GCGR: variants seen among roughly 807,000 people sequenced by gnomAD.
GCGR encodes glucagon receptor.
GCGR carries 41 observed loss-of-function variants against 56.1 expected under a neutral mutation model. The ratio of observed to expected loss-of-function variants is 0.73; its 90% CI spans 0.57 to 0.95. The LOEUF is 0.95. Among genes scored for constraint, GCGR ranks in the 40% least tolerant of loss-of-function variants. GCGR has a pLI of 0.00. For synonymous variants in GCGR, 278 were observed against 271.1 expected (o/e 1.03, Z -0.25); for missense variants, 595 against 638.2 (o/e 0.93, Z 0.73).
Position 81,812,746 on chromosome 17 carries a change from C to T in GCGR, c.1038-61C>T, listed in dbSNP as rs2038129316. ...CAGCTGGGGGTGGGGACTCCAAGCT[C>T]CACGTGGATGGTGCGGGCCGAGGGT... On this transcript the variant is annotated intron_variant, in intron 11 of 13. Coordinates refer to ENST00000400723, the MANE Select transcript of GCGR (RefSeq NM_000160.5). The surrounding 1 kb of genome is among the most constrained non-coding windows in gnomAD (Gnocchi z 8.5). The T allele has an allele frequency of 6.5e-7, 1 of 1,532,242 alleles. No individual in the cohort carries two copies. Among genetic ancestry groups the T allele is most frequent in the African/African-American group, 1.4e-5 (1 of 72,930 alleles). 94.9% of individuals were successfully genotyped at this position (1,532,242 alleles called of 1,614,324 possible).
chr17:81,812,001 G>T lies in GCGR; in HGVS notation c.878+55G>T. The T allele has an allele frequency of 6.5e-7, 1 of 1,533,206 alleles. No homozygotes were observed. Among genetic ancestry groups the T allele is most frequent in the Non-Finnish European group, 8.7e-7 (1 of 1,144,352 alleles). The allele number at this position is 1,533,206 out of a possible 1,614,324, so 95.0% of individuals were successfully genotyped here. A position where few individuals can be genotyped will look rare whatever the true frequency, so the allele number is the denominator to read the frequency against. On this transcript the variant is annotated intron_variant, in intron 9 of 13. Coordinates refer to ENST00000400723, the MANE Select transcript of GCGR (RefSeq NM_000160.5). The surrounding 1 kb of genome is among the most constrained non-coding windows in gnomAD (Gnocchi z 8.5). ...AGGGACCGGGGGGCTGGGGTGCGGC[G>T]CTCTGGCCTGAGGCAGGGAGGGGCC...
At position 81,812,117 on chromosome 17, in the gene GCGR, C is replaced by A. The variant is rs952473259; in HGVS notation, c.879-66C>A. 6.1e-6 allele frequency: 8 copies of A among 1,309,598 alleles called. No homozygotes were observed. In the South Asian group the frequency reaches 1.0e-4, roughly 16 times the overall value. The allele number at this position is 1,309,598 out of a possible 1,614,324, so 81.1% of individuals were successfully genotyped here. On this transcript the variant is annotated intron_variant, in intron 9 of 13. Coordinates refer to ENST00000400723, the MANE Select transcript of GCGR (RefSeq NM_000160.5). This position sits in a 1 kb window ranked among gnomAD's most constrained non-coding sequence, Gnocchi z 8.5. ...GAATTAGATCCTGGCAAAATCGGGA[C>A]GGGGGTGCTGAGGGGCGGAGGGGCT...
chr17:81,809,088 C>G lies in GCGR; in HGVS notation c.60+10C>G. On this transcript the variant is annotated intron_variant, in intron 2 of 13. Transcript: ENST00000400723. ...GCTGCTGGCCTGCCAGGTGAGGACT[C>G]ACAGCACCCTCAGCACCCAGGGGCC... 1 of 1,535,564 alleles carries G rather than the reference C, an allele frequency of 6.5e-7. No homozygotes were observed.
chr17:81,809,962 G>A, intron 3 of GCGR, 78 bp downstream of exon 3: 1 of 1,137,238 alleles, frequency 8.8e-7, no homozygotes, highest in Non-Finnish European at 1.3e-6. Context: ...GAAGGTTCCT[G>A]GGTGCTTATG....
At position 81,813,480 on chromosome 17, in the gene GCGR, T is replaced by A; in HGVS notation, c.1225T>A (p.Ser409Thr). 6.5e-7 allele frequency: 1 copy of A among 1,534,736 alleles called. No homozygotes were observed. The highest frequency in any genetic ancestry group is 1.2e-5 in the South Asian group (1 of 83,980). Residue 409 changes from serine to threonine, a missense_variant, in exon 14 of 14, where the codon TCG becomes ACG. Physicochemically the swap from Ser to Thr is moderately conservative, Grantham distance 58. Coordinates refer to ENST00000400723, the MANE Select transcript of GCGR (RefSeq NM_000160.5). This position sits in a 1 kb window ranked among gnomAD's most constrained non-coding sequence, Gnocchi z 5.3. ...GCCCCGTCCCCCTCCCCAGGTGCAG[T>A]CGGAGCTGCGGCGGCGTTGGCACCG... ...LYCFLNKEVQ[S>T]ELRRRWHRWR... is the part of the protein sequence containing the mutation.
At position 81,810,889 on chromosome 17, in the gene GCGR, G is replaced by A. The variant is rs1454748761; in HGVS notation, c.228G>A (p.Thr76=). ...SCWPDTPANT[T]ANISCPWYLP... ...GGCCGGACACCCCCGCCAATACCAC[G>A]GCCAACATCTCCTGCCCCTGGTACC... The change falls in exon 4 of 14, where the codon ACG becomes ACA. Residue 76 remains threonine (T), a synonymous_variant. Transcript: ENST00000400723. The surrounding 1 kb of genome is among the most constrained non-coding windows in gnomAD (Gnocchi z 4.6). 13 of 1,535,740 alleles carry A rather than the reference G, an allele frequency of 8.5e-6. No homozygotes were observed. The highest frequency in any genetic ancestry group is 2.4e-5 in the East Asian group (1 of 40,820).
chr17:81,813,364 C>T lies in GCGR; in HGVS notation c.1219-110C>T. ...CCAGCAGGGAGCTTGTGTCGCTCTG[C>T]ACCCCTCAGAGCGGAGACTGGGCAT... On this transcript the variant is annotated intron_variant, in intron 13 of 13. Coordinates refer to ENST00000400723, the MANE Select transcript of GCGR (RefSeq NM_000160.5). This position sits in a 1 kb window ranked among gnomAD's most constrained non-coding sequence, Gnocchi z 5.3. 1 of 1,068,656 alleles carries T rather than the reference C, an allele frequency of 9.4e-7. No individual in the cohort carries two copies. The highest frequency in any genetic ancestry group is 1.5e-5 in the South Asian group (1 of 66,170). The allele number at this position is 1,068,656 out of a possible 1,614,324, so 66.2% of individuals were successfully genotyped here. A position where few individuals can be genotyped will look rare whatever the true frequency, so the allele number is the denominator to read the frequency against.
rs531331425 is a variant in GCGR, at chr17:81,810,179, G to A, written c.163+295G>A. ...GATGGGTAATACCACCTACAGCCCC[G>A]TGGAGTTTTCAGTGGGCAGACAGTG... On this transcript the variant is annotated intron_variant, in intron 3 of 13. Coordinates refer to ENST00000400723, the MANE Select transcript of GCGR (RefSeq NM_000160.5). The surrounding 1 kb of genome is among the most constrained non-coding windows in gnomAD (Gnocchi z 4.6). 10 of 490,494 alleles carry A rather than the reference G, an allele frequency of 2.0e-5. No homozygotes were observed. Among genetic ancestry groups the A allele is most frequent in the Middle Eastern group, 5.9e-4 (1 of 1,702 alleles). 30.4% of individuals were successfully genotyped at this position (490,494 alleles called of 1,614,324 possible).
chr17:81,808,298 A>G (rs572185643), intron 1 of GCGR, among the ~76,000 whole-genome samples: 2 of 152,300 alleles, frequency 1.3e-5, no homozygotes, highest in African/African-American at 4.8e-5. Flanking sequence ...AGAATAGGTG[A>G]GGAGGATGGT....
chr17:81,808,902 G>GGCTCTGCTGCTCTGCC lies in GCGR; in HGVS notation c.-116_-101dup. On this transcript the variant is annotated 5_prime_UTR_variant, in exon 2 of 14. Coordinates refer to ENST00000400723, the MANE Select transcript of GCGR (RefSeq NM_000160.5). ...ACACCCCACTGGCCAGGACGCCCCA[G>GGCTCTGCTGCTCTGCC]GCTCTGCTGCTCTGCCACTCAGCTG... The GGCTCTGCTGCTCTGCC allele has an allele frequency of 7.7e-7, 1 of 1,298,520 alleles. No individual in the cohort carries two copies. The highest frequency in any genetic ancestry group is 1.1e-6 in the Non-Finnish European group (1 of 932,918). 80.4% of individuals were successfully genotyped at this position (1,298,520 alleles called of 1,614,324 possible).
In GCGR at chr17:81,810,034, G is replaced by A. The variant is rs1031351124; in HGVS notation, c.163+150G>A. On this transcript the variant is annotated intron_variant, in intron 3 of 13. Transcript: ENST00000400723. The surrounding 1 kb of genome is among the most constrained non-coding windows in gnomAD (Gnocchi z 4.6). ...CCTCAGGCCCCCACCACCGTGGGCAGGTGAGGTAACGAGGTAACTGAGCCA... is the reference window on the plus strand; with the variant it reads ...CCTCAGGCCCCCACCACCGTGGGCAAGTGAGGTAACGAGGTAACTGAGCCA... 9.9e-6 allele frequency: 7 copies of A among 707,776 alleles called. No homozygotes were observed. The highest frequency in any genetic ancestry group is 1.8e-5 in the Non-Finnish European group (7 of 393,280). 43.8% of individuals were successfully genotyped at this position (707,776 alleles called of 1,614,324 possible).
intron 2 of GCGR, 73 bp downstream of exon 2, chr17:81,809,151 CCTGCCTGCCTGCCTGCCTGT>C: frequency 1.0e-6 from 1 of 972,680 alleles, no homozygotes; most frequent in South Asian, 1.6e-5. Flanking sequence ...TCTCTGTCTG[CCTGCCTGCCTGCCTGCCTGT>C]CTGCCTGCCT....
chr17:81,808,908 G>A lies in GCGR; in HGVS notation c.-111G>A, dbSNP rs2038016282. On this transcript the variant is annotated 5_prime_UTR_variant, in exon 2 of 14. Transcript: ENST00000400723. ...CACTGGCCAGGACGCCCCAGGCTCT[G>A]CTGCTCTGCCACTCAGCTGCCCTCG... 1.1e-5 allele frequency: 15 copies of A among 1,354,072 alleles called. No homozygotes were observed. Among genetic ancestry groups the A allele is most frequent in the Middle Eastern group, 2.4e-4 (1 of 4,240 alleles). 83.9% of individuals were successfully genotyped at this position (1,354,072 alleles called of 1,614,324 possible). A position where few individuals can be genotyped will look rare whatever the true frequency, so the allele number is the denominator to read the frequency against.
chr17:81,808,799 G>A (rs1398167218), intron 1 of GCGR, 43 bp from the exon 2 acceptor site: 14 of 601,484 alleles, frequency 2.3e-5, no homozygotes, highest in East Asian at 2.0e-4. Context: ...GATTACAGGC[G>A]TGAGCCGCCG....
At position 81,813,496 on chromosome 17, in the gene GCGR, G is replaced by C; in HGVS notation, c.1241G>C (p.Arg414Pro). ...CAGGTGCAGTCGGAGCTGCGGCGGC[G>C]TTGGCACCGCTGGCGCCTGGGCAAA... ...NKEVQSELRR[R>P]WHRWRLGKVL... is the part of the protein sequence containing the mutation. The change falls in exon 14 of 14, where the codon CGT (arginine) becomes CCT (proline). Residue 414 changes from arginine (R) to proline (P), a missense_variant. Coordinates refer to ENST00000400723, the MANE Select transcript of GCGR (RefSeq NM_000160.5). The surrounding 1 kb of genome is among the most constrained non-coding windows in gnomAD (Gnocchi z 5.3). 1 of 1,535,402 alleles carries C rather than the reference G, an allele frequency of 6.5e-7. No individual in the cohort carries two copies. Among genetic ancestry groups the C allele is most frequent in the Non-Finnish European group, 8.7e-7 (1 of 1,146,760 alleles).
chr17:81,809,170 G>GCCTC (rs2038023516), intron 2 of GCGR, 92 bp downstream of exon 2: 1 of 1,430,214 alleles, frequency 7.0e-7, no homozygotes, highest in Non-Finnish European at 9.4e-7. Flanking sequence ...CTGCCTGCCT[G>GCCTC]TCTGCCTGCC....
Position 81,811,019 on chromosome 17 carries a change from G to A in GCGR, c.281G>A (p.Arg94His), listed in dbSNP as rs1022912945. The A allele has an allele frequency of 8.5e-6, 13 of 1,535,936 alleles. No homozygotes were observed. The highest frequency in any genetic ancestry group is 2.4e-5 in the South Asian group (2 of 84,062). The change falls in exon 5 of 14, where the codon CGC becomes CAC. Residue 94 changes from arginine (R) to histidine (H), a missense_variant. Transcript: ENST00000400723. The surrounding 1 kb of genome is among the most constrained non-coding windows in gnomAD (Gnocchi z 5.8). ...YLPWHHKVQH[R>H]FVFKRCGPDG... ...CCCCCCACACCCCCAGTGCAACACC[G>A]CTTCGTGTTCAAGAGATGCGGGCCC...
chr17:81,812,229 T>C lies in GCGR; in HGVS notation c.925T>C (p.Phe309Leu). 1 of 1,535,744 alleles carries C rather than the reference T, an allele frequency of 6.5e-7. No homozygotes were observed. Among genetic ancestry groups the C allele is most frequent in the Non-Finnish European group, 8.7e-7 (1 of 1,146,732 alleles). Residue 309 changes from phenylalanine (F) to leucine (L), a missense_variant, in exon 10 of 14, where the codon TTC (phenylalanine) becomes CTC (leucine). Physicochemically the swap from Phe to Leu is conservative, Grantham distance 22. Coordinates refer to ENST00000400723, the MANE Select transcript of GCGR (RefSeq NM_000160.5). The surrounding 1 kb of genome is among the most constrained non-coding windows in gnomAD (Gnocchi z 8.5). ...CATGGGCTTCTGGTGGATCCTGCGGTTCCCCGTCTTCCTGGCCATCCTGGT... is the reference window on the plus strand; with the variant it reads ...CATGGGCTTCTGGTGGATCCTGCGGCTCCCCGTCTTCCTGGCCATCCTGGT... ...DNMGFWWILR[F>L]PVFLAILINF...
intron 1 of GCGR, among the ~76,000 whole-genome samples, chr17:81,805,562 G>A (rs890644764): frequency 1.0e-4 from 15 of 146,752 alleles, no homozygotes; most frequent in African/African-American, 2.3e-4. Context: ...TGGGCACCTC[G>A]GGAACCCCCC....
Sources: gnomAD v4.1 joint callset for allele counts (sites outside exome capture counted in the v4.1 genomes callset) on GRCh38, gnomAD v4.1.1 for gene constraint, Gnocchi (gnomAD v3.1) non-coding constraint, MANE v1.5 for transcripts, NCBI Gene and HGNC (gene_info 2026-07-23, HGNC 2026-07-21) for gene names.